Variants in GRID2IP observed in about 807,000 individuals in gnomAD.
GRID2IP encodes delphilin.
Under a neutral mutation model 114.3 loss-of-function variants are expected in GRID2IP, and 78 were observed. The ratio of observed to expected loss-of-function variants is 0.68; its 90% CI spans 0.57 to 0.82. The LOEUF is 0.82. GRID2IP is among the 40% of genes least tolerant of loss of function. The pLI is 0.00. For missense variants in GRID2IP, 1,727 were observed against 1,678.5 expected (o/e 1.03, Z -0.51); for synonymous variants, 809 against 724.0 (o/e 1.12, Z -1.89).
Position 6,503,083 on chromosome 7 carries a change from G to T in GRID2IP, c.2988C>A (p.Ile996=). 1 of 1,551,468 alleles carries T rather than the reference G, an allele frequency of 6.4e-7. No homozygotes were observed. Among genetic ancestry groups the T allele is most frequent in the Non-Finnish European group, 8.7e-7 (1 of 1,146,892 alleles). Reference sequence around the variant, plus strand: ...GGCGCAAGCATTCAAGGCTGCCTCGGATCTCCTCTGTCTTCTCCTGGAGGG... The same window carrying T: ...GGCGCAAGCATTCAAGGCTGCCTCGTATCTCCTCTGTCTTCTCCTGGAGGG... ...QATLQEKTEE[I]RGSLECLRQA... is the part of the protein sequence containing the mutation. Residue 996 remains isoleucine (I), a synonymous_variant, in exon 17 of 22, where the codon ATC becomes ATA. Coordinates refer to ENST00000457091, the MANE Select transcript of GRID2IP (RefSeq NM_001145118.2).
chr7:6,521,719 CGAG>C lies in GRID2IP; in HGVS notation c.989+166_989+168del, dbSNP rs951898550. On this transcript the variant is annotated intron_variant, in intron 5 of 21. Coordinates refer to ENST00000457091, the MANE Select transcript of GRID2IP (RefSeq NM_001145118.2). The surrounding 1 kb of genome is among the most constrained non-coding windows in gnomAD (Gnocchi z 4.1). ...GGTCCTGGCTAGAGTTGGCGACTGG[CGAG>C]GAGGAGGGTTAGATTCAAGAGTTCC... Among the ~76,000 whole-genome samples, 4 of 152,190 alleles carry C rather than the reference CGAG, an allele frequency of 2.6e-5. No homozygotes were observed. The highest frequency in any genetic ancestry group is 9.6e-5 in the African/African-American group (4 of 41,528).
At chr7:6,510,480 G>A in intron 10 of GRID2IP, 80 bp from the exon 11 acceptor site, 1 of 1,334,078 alleles carries the variant, frequency 7.5e-7, no homozygotes, top group South Asian at 1.5e-5. Flanking sequence ...GGTGGGCCGG[G>A]AGGCAGGGAT....
At chr7:6,547,914 T>C (rs1202703835) in intron 1 of GRID2IP, among the ~76,000 whole-genome samples, 2 of 152,102 alleles carry the variant, frequency 1.3e-5, no homozygotes, top group Admixed American at 6.5e-5. Context: ...TCCGACAAAG[T>C]TTCCAGGCTC....
chr7:6,499,886 T>A (rs978498337), intron 20 of GRID2IP, among the ~76,000 whole-genome samples: 1 of 151,942 alleles, frequency 6.6e-6, no homozygotes, highest in Non-Finnish European at 1.5e-5. Flanking sequence ...TGCACCACTA[T>A]GCCAGACTCA....
In GRID2IP at chr7:6,503,670, G is replaced by A; in HGVS notation, c.2728C>T (p.Leu910=). Reference sequence around the variant, plus strand: ...CGCAGCTCCGCGGGGCTCAGCTTCAGGTGTGCCAAGAGGATGGCTGCGGGC... The same window carrying A: ...CGCAGCTCCGCGGGGCTCAGCTTCAAGTGTGCCAAGAGGATGGCTGCGGGC... ...AYNTSILLAH[L]KLSPAELRQV... is the part of the protein sequence containing the mutation. The change falls in exon 16 of 22, where the codon CTG becomes TTG. Residue 910 remains leucine, a synonymous_variant. Transcript: ENST00000457091. 1.3e-6 allele frequency: 2 copies of A among 1,507,596 alleles called. No individual in the cohort carries two copies. Among genetic ancestry groups the A allele is most frequent in the Non-Finnish European group, 1.8e-6 (2 of 1,135,488 alleles). The allele number at this position is 1,507,596 out of a possible 1,614,324, so 93.4% of individuals were successfully genotyped here.
intron 2 of GRID2IP, among the ~76,000 whole-genome samples, chr7:6,535,969 C>T (rs1324077084): frequency 6.6e-6 from 1 of 152,196 alleles, no homozygotes; most frequent in East Asian, 1.9e-4. Context: ...CTGCTGCCTC[C>T]TCCAAGAAGC....
chr7:6,530,978 G>C, intron 2 of GRID2IP: 1 of 602,154 alleles, frequency 1.7e-6, no homozygotes, highest in Non-Finnish European at 3.0e-6. Context: ...CCACGCTCCA[G>C]CCCCACCCGC....
chr7:6,504,912 G>A (rs1487432778), intron 14 of GRID2IP, 42 bp from the exon 15 acceptor site: 1 of 1,518,748 alleles, frequency 6.6e-7, no homozygotes, highest in Admixed American at 2.0e-5. Context: ...GCTAGGCTGA[G>A]GCTGCAGTGG....
chr7:6,514,523 G>A lies in GRID2IP; in HGVS notation c.1275C>T (p.Ile425=), dbSNP rs781123481. The A allele has an allele frequency of 5.3e-6, 8 of 1,520,140 alleles. No homozygotes were observed. In the African/African-American group the frequency reaches 5.5e-5, roughly 10 times the overall value. The allele number at this position is 1,520,140 out of a possible 1,614,324, so 94.2% of individuals were successfully genotyped here. A position where few individuals can be genotyped will look rare whatever the true frequency, so the allele number is the denominator to read the frequency against. Reference sequence around the variant, plus strand: ...GGTAGACGTCAACGATGAGGGTGTCGATGTTCCTGGGGGAAGGTGCAGGAA... The same window carrying A: ...GGTAGACGTCAACGATGAGGGTGTCAATGTTCCTGGGGGAAGGTGCAGGAA... ...ALESFFQHRN[I]DTLIVDVYPV... Residue 425 remains isoleucine, a synonymous_variant, in exon 8 of 22, where the codon ATC becomes ATT. Coordinates refer to ENST00000457091, the MANE Select transcript of GRID2IP (RefSeq NM_001145118.2).
intron 7 of GRID2IP, among the ~76,000 whole-genome samples, chr7:6,515,323 G>T (rs1234397685): frequency 6.6e-6 from 1 of 152,076 alleles, no homozygotes. Flanking sequence ...TTAGCTGGGC[G>T]TGGTGGCATG....
At position 6,516,920 on chromosome 7, in the gene GRID2IP, C is replaced by A. The variant is rs932211447; in HGVS notation, c.1269-2391G>T. Among the ~76,000 whole-genome samples the A allele has an allele frequency of 2.6e-5, 4 of 152,150 alleles. No individual in the cohort carries two copies. Among genetic ancestry groups the A allele is most frequent in the African/African-American group, 7.2e-5 (3 of 41,426 alleles). ...CATTGGAGATGACTCTCACTCCATA[C>A]CCTGCCCCTTTGCCTTGTACACAAT... is the stretch of plus-strand genomic sequence containing the variant. On this transcript the variant is annotated intron_variant, in intron 7 of 21. Transcript: ENST00000457091. The surrounding 1 kb of genome is among the most constrained non-coding windows in gnomAD (Gnocchi z 4.3).
chr7:6,532,222 G>C lies in GRID2IP; in HGVS notation c.585-5453C>G, dbSNP rs1779641652. ...CCAGAATCAGGCCTGAGGAACAAAT[G>C]AGAGTTGGGGTAACCAGTTCAAGGC... On this transcript the variant is annotated intron_variant, in intron 2 of 21. Coordinates refer to ENST00000457091, the MANE Select transcript of GRID2IP (RefSeq NM_001145118.2). This position sits in a 1 kb window ranked among gnomAD's most constrained non-coding sequence, Gnocchi z 4.4. Among the ~76,000 whole-genome samples the C allele has an allele frequency of 6.6e-6, 1 of 152,126 alleles. No individual in the cohort carries two copies. The highest frequency in any genetic ancestry group is 1.5e-5 in the Non-Finnish European group (1 of 68,012).
Position 6,526,295 on chromosome 7 carries a change from T to G in GRID2IP, c.848A>C (p.Tyr283Ser). 1.3e-6 allele frequency: 2 copies of G among 1,551,960 alleles called. No individual in the cohort carries two copies. The change falls in exon 4 of 22, where the codon TAC (tyrosine) becomes TCC (serine). Residue 283 changes from tyrosine to serine, a missense_variant. By Grantham distance (144) the Tyr-to-Ser change is moderately radical. Coordinates refer to ENST00000457091, the MANE Select transcript of GRID2IP (RefSeq NM_001145118.2). The surrounding 1 kb of genome is among the most constrained non-coding windows in gnomAD (Gnocchi z 7.6). ...GAAGCCGAAGCTCTTGTTGCCTTTG[T>G]AGACTCGGACAGTCCTGGGGGAAAA... is the stretch of plus-strand genomic sequence containing the variant. ...PGGARRTVRVYKGNKSFGFTL... is the reference protein window; with the variant it reads ...PGGARRTVRVSKGNKSFGFTL...
rs1779417535 is a variant in GRID2IP at position 6,521,816 on chromosome 7, C to CA, written c.989+71dup. 1 of 1,181,522 alleles carries CA rather than the reference C, an allele frequency of 8.5e-7. No homozygotes were observed. Among genetic ancestry groups the CA allele is most frequent in the African/African-American group, 1.5e-5 (1 of 66,044 alleles). The allele number at this position is 1,181,522 out of a possible 1,614,324, so 73.2% of individuals were successfully genotyped here. A position where few individuals can be genotyped will look rare whatever the true frequency, so the allele number is the denominator to read the frequency against. On this transcript the variant is annotated intron_variant, in intron 5 of 21. Coordinates refer to ENST00000457091, the MANE Select transcript of GRID2IP (RefSeq NM_001145118.2). The surrounding 1 kb of genome is among the most constrained non-coding windows in gnomAD (Gnocchi z 4.1). ...GATTGTGATCACAGCCTGGGTGCCC[C>CA]AAGAGGCAGGAGTCTTGCAGGGGGT...
chr7:6,544,804 G>A (rs1216802552), intron 1 of GRID2IP, among the ~76,000 whole-genome samples: 4 of 151,990 alleles, frequency 2.6e-5, no homozygotes, highest in African/African-American at 9.7e-5. Flanking sequence ...AAAGACAGCC[G>A]GGCGCGGTGG....
In GRID2IP at chr7:6,509,134, C is replaced by G. The variant is rs777628997; in HGVS notation, c.1951G>C (p.Asp651His). The change falls in exon 12 of 22, where the codon GAC becomes CAC. Residue 651 changes from aspartate (D) to histidine (H), a missense_variant. Asp to His is a moderately conservative substitution (Grantham distance 81). Transcript: ENST00000457091. The surrounding 1 kb of genome is among the most constrained non-coding windows in gnomAD (Gnocchi z 4.9). ...PQPGPGPICP[D>H]SPPSPDPTRP... is the part of the protein sequence containing the mutation. ...GTGGGGTCCGGGCTTGGGGGGCTGT[C>G]GGGGCAGATGGGCCCGGGGCCTGGC... is the stretch of plus-strand genomic sequence containing the variant. 5.4e-5 allele frequency: 80 copies of G among 1,472,738 alleles called. No individual in the cohort carries two copies. The highest frequency in any genetic ancestry group is 6.4e-5 in the Non-Finnish European group (71 of 1,111,686). The allele number at this position is 1,472,738 out of a possible 1,614,324, so 91.2% of individuals were successfully genotyped here.
intron 2 of GRID2IP, among the ~76,000 whole-genome samples, chr7:6,530,856 C>T (rs1583349084): frequency 6.6e-6 from 1 of 152,364 alleles, no homozygotes; most frequent in South Asian, 2.1e-4. Context: ...GTTCTGAGCG[C>T]CCAACGCTTA....
intron 2 of GRID2IP, among the ~76,000 whole-genome samples, chr7:6,531,849 G>T (rs948263691): frequency 6.6e-6 from 1 of 152,310 alleles, no homozygotes; most frequent in Admixed American, 6.5e-5. Context: ...GACCCAGAGG[G>T]GGGTGTTGGG....
chr7:6,520,290 CA>C lies in GRID2IP; in HGVS notation c.1268+287del, dbSNP rs376167421. Among the ~76,000 whole-genome samples, 71 of 143,652 alleles carry C rather than the reference CA, an allele frequency of 4.9e-4. No homozygotes were observed. Among genetic ancestry groups the C allele is most frequent in the Admixed American group, 6.3e-4 (9 of 14,324 alleles). The allele number at this position is 143,652 out of a possible 152,430, so 94.2% of individuals were successfully genotyped here. ...TGGGTGATAGAGCGAGACTCCATCT[CA>C]AAAAAAAAAAATAGAATGTTGCAGG... On this transcript the variant is annotated intron_variant, in intron 7 of 21. Coordinates refer to ENST00000457091, the MANE Select transcript of GRID2IP (RefSeq NM_001145118.2). This position sits in a 1 kb window ranked among gnomAD's most constrained non-coding sequence, Gnocchi z 4.6.
Sources: gnomAD v4.1 joint callset for allele counts (sites outside exome capture counted in the v4.1 genomes callset) on GRCh38, gnomAD v4.1.1 for gene constraint, Gnocchi (gnomAD v3.1) non-coding constraint, MANE v1.5 for transcripts, NCBI Gene and HGNC (gene_info 2026-07-23, HGNC 2026-07-21) for gene names.